DHRS7B: variants seen among roughly 807,000 people sequenced by gnomAD.
DHRS7B encodes the protein dehydrogenase/reductase 7B, also known as peroxisomal reductase activating PPAR-gamma.
DHRS7B carries 24 observed loss-of-function variants against 26.4 expected under a neutral mutation model. The ratio of observed to expected loss-of-function variants is 0.91; its 90% CI spans 0.66 to 1.28. The LOEUF (loss-of-function observed/expected upper bound fraction) is 1.28. Among genes scored for constraint, DHRS7B ranks in the 50% most tolerant of loss-of-function variants. The pLI is 0.00. For synonymous variants in DHRS7B, 142 were observed against 166.4 expected (o/e 0.85, Z 1.13); for missense variants, 368 against 419.4 (o/e 0.88, Z 1.07).
At chr17:21,127,174 G>T in intron 1 of DHRS7B, 183 bp downstream of exon 1, 3 of 599,726 alleles carry the variant, frequency 5.0e-6, no homozygotes, top group South Asian at 5.7e-5. Flanking sequence ...CAGGCGCTGG[G>T]ACCAGAGCCC....
At chr17:21,168,723 C>A in intron 1 of DHRS7B, 1 of 985,474 alleles carries the variant, frequency 1.0e-6, no homozygotes, top group Non-Finnish European at 1.2e-6. Flanking sequence ...CTTTACCAGA[C>A]TGAATGCAGA....
chr17:21,186,297 G>T (rs1175428475), intron 5 of DHRS7B, among the ~76,000 whole-genome samples: 1 of 152,228 alleles, frequency 6.6e-6, no homozygotes, highest in Non-Finnish European at 1.5e-5. Flanking sequence ...AAGTGATGTG[G>T]CCAGCGGCGA....
At chr17:21,187,313 A>G (rs1974659821) in intron 5 of DHRS7B, among the ~76,000 whole-genome samples, 1 of 151,242 alleles carries the variant, frequency 6.6e-6, no homozygotes, top group Non-Finnish European at 1.5e-5. Context: ...GGTAACAGAG[A>G]AGATGCCTTC....
chr17:21,165,901 G>A (rs569161470), intron 1 of DHRS7B, among the ~76,000 whole-genome samples: 43 of 121,920 alleles, frequency 3.5e-4, no homozygotes, highest in African/African-American at 1.3e-3. Flanking sequence ...GGGCAACAGA[G>A]CAAGACTCCG....
Position 21,178,214 on chromosome 17 carries a change from C to G in DHRS7B, c.200-19C>G. 1 of 1,609,972 alleles carries G rather than the reference C, an allele frequency of 6.2e-7. No individual in the cohort carries two copies. The highest frequency in any genetic ancestry group is 8.5e-7 in the Non-Finnish European group (1 of 1,176,308). On this transcript the variant is annotated intron_variant, in intron 2 of 6. Transcript: ENST00000395511. ...CACTGAGGAAGAATGGCTGTCAAGG[C>G]TCTTTTCTCTTCCCTTAGAATGTGC...
intron 1 of DHRS7B, among the ~76,000 whole-genome samples, chr17:21,137,629 A>G (rs1167528535): frequency 2.6e-5 from 4 of 151,660 alleles, no homozygotes; most frequent in African/African-American, 7.3e-5. Context: ...GGCTAGTTTT[A>G]TATTTTTAGT....
chr17:21,173,524 T>C (rs1974307196), intron 2 of DHRS7B, among the ~76,000 whole-genome samples: 1 of 152,198 alleles, frequency 6.6e-6, no homozygotes, highest in African/African-American at 2.4e-5. Flanking sequence ...TAGGGACTTA[T>C]ACAGTTGGGT....
chr17:21,149,776 G>A (rs1973722096), intron 1 of DHRS7B, among the ~76,000 whole-genome samples: 1 of 151,922 alleles, frequency 6.6e-6, no homozygotes. Context: ...ACTTGTAATA[G>A]GTTTACTAAA....
chr17:21,150,811 A>C (rs1436755589), intron 1 of DHRS7B, among the ~76,000 whole-genome samples: 1 of 152,176 alleles, frequency 6.6e-6, no homozygotes, highest in Non-Finnish European at 1.5e-5. Flanking sequence ...TTTCTTCTGG[A>C]GGGTCTAGGA....
chr17:21,182,374 G>A (rs529713029), intron 3 of DHRS7B, among the ~76,000 whole-genome samples: 31 of 152,092 alleles, frequency 2.0e-4, no homozygotes, highest in African/African-American at 7.2e-4. Context: ...TCAGCCTCCC[G>A]AGTAGCTGGG....
intron 1 of DHRS7B, among the ~76,000 whole-genome samples, chr17:21,142,546 C>T (rs1316616305): frequency 6.6e-6 from 1 of 152,090 alleles, no homozygotes; most frequent in African/African-American, 2.4e-5. Context: ...GACATGTGCC[C>T]AAGGTGGTTG....
chr17:21,175,813 C>T (rs574933062), intron 2 of DHRS7B, among the ~76,000 whole-genome samples: 6 of 151,912 alleles, frequency 3.9e-5, no homozygotes, highest in East Asian at 3.9e-4. Context: ...CCTGTAGTCC[C>T]GGCAACTTGG....
intron 1 of DHRS7B, among the ~76,000 whole-genome samples, chr17:21,133,301 A>G (rs927495834): frequency 6.6e-6 from 1 of 152,232 alleles, no homozygotes; most frequent in African/African-American, 2.4e-5. Flanking sequence ...ACATGTGCCC[A>G]GGGTGGTCAG....
intron 2 of DHRS7B, among the ~76,000 whole-genome samples, chr17:21,173,113 T>G (rs114689036): frequency 6.6e-6 from 1 of 152,174 alleles, no homozygotes; most frequent in Non-Finnish European, 1.5e-5. Flanking sequence ...CTGGGTCAGG[T>G]TCTAGAACAA....
intron 4 of DHRS7B, 21 bp downstream of exon 4, chr17:21,183,831 G>A: frequency 6.3e-7 from 1 of 1,598,360 alleles, no homozygotes; most frequent in East Asian, 2.2e-5. Flanking sequence ...TGAGAAAAGA[G>A]CAGTGATAAG....
chr17:21,181,506 AAC>A (rs1278420679), intron 3 of DHRS7B, among the ~76,000 whole-genome samples: 2 of 152,200 alleles, frequency 1.3e-5, no homozygotes, highest in African/African-American at 4.8e-5. Context: ...GCCACATCTT[AAC>A]ATGTAGGAAG....
intron 1 of DHRS7B, among the ~76,000 whole-genome samples, chr17:21,171,022 G>A (rs1023238233): frequency 1.3e-5 from 2 of 151,628 alleles, no homozygotes; most frequent in South Asian, 2.1e-4. Context: ...TTCTGTGCTC[G>A]TAAACCACAG....
At chr17:21,155,402 C>T (rs1171166693) in intron 1 of DHRS7B, among the ~76,000 whole-genome samples, 1 of 152,180 alleles carries the variant, frequency 6.6e-6, no homozygotes, top group African/African-American at 2.4e-5. Context: ...AAGAGCATTA[C>T]ATTATGACCG....
intron 2 of DHRS7B, among the ~76,000 whole-genome samples, chr17:21,177,606 GC>G (rs1261185521): frequency 6.6e-6 from 1 of 152,156 alleles, no homozygotes; most frequent in Non-Finnish European, 1.5e-5. Flanking sequence ...GCAGGTGCTT[GC>G]GTGCACTGAC....
Sources: gnomAD v4.1 joint callset for allele counts (sites outside exome capture counted in the v4.1 genomes callset) on GRCh38, gnomAD v4.1.1 for gene constraint, MANE v1.5 for transcripts, NCBI Gene and HGNC (gene_info 2026-07-23, HGNC 2026-07-21) for gene names.